The following CDH8 variants were observed in gnomAD, a reference collection of about 807,000 sequenced individuals.
The protein encoded by CDH8 is cadherin-8.
A neutral mutation model predicts 68.1 loss-of-function variants in CDH8; 17 were observed. The observed-to-expected ratio is 0.25, with a 90% CI of 0.17 to 0.37. The LOEUF is 0.37. Among genes scored for constraint, CDH8 ranks in the 10% least tolerant of loss-of-function variants. CDH8 has a pLI of 1.00. For synonymous variants in CDH8, 372 were observed against 365.1 expected (o/e 1.02, Z -0.21); for missense variants, 763 against 999.3 (o/e 0.76, Z 3.19).
chr16:61,794,028 A>C (rs1961443227), intron 7 of CDH8, among the ~76,000 whole-genome samples: 1 of 152,050 alleles, frequency 6.6e-6, no homozygotes, highest in Non-Finnish European at 1.5e-5. Flanking sequence ...TAGACACCTA[A>C]ATATTAAAAT....
intron 10 of CDH8, among the ~76,000 whole-genome samples, chr16:61,671,575 C>G (rs1245413458): frequency 6.6e-6 from 1 of 151,858 alleles, no homozygotes; most frequent in Admixed American, 6.6e-5. Flanking sequence ...TTAAAACAGC[C>G]TGTCTAAACA....
Position 61,994,693 on chromosome 16 carries a change from G to T in CDH8, c.252+26459C>A, listed in dbSNP as rs541862679. On this transcript the variant is annotated intron_variant, in intron 2 of 11. Coordinates refer to ENST00000577390, the MANE Select transcript of CDH8 (RefSeq NM_001796.5). ...GGGACCTGTCAGAAACACAAATTCT[G>T]TCCCACCACAGAGGTACTGAATCAG... Among the ~76,000 whole-genome samples the T allele has an allele frequency of 7.3e-4, 111 of 152,244 alleles. 1 individual carries two copies. The highest frequency in any genetic ancestry group is 1.3e-3 in the Non-Finnish European group (88 of 68,032).
intron 9 of CDH8, among the ~76,000 whole-genome samples, chr16:61,718,909 T>C (rs974999911): frequency 2.0e-5 from 3 of 151,180 alleles, no homozygotes; most frequent in Admixed American, 1.3e-4. Context: ...ATAACAATTA[T>C]GATTAATTGA....
intron 8 of CDH8, among the ~76,000 whole-genome samples, chr16:61,756,040 C>G (rs1292955990): frequency 6.6e-6 from 1 of 152,064 alleles, no homozygotes; most frequent in Non-Finnish European, 1.5e-5. Context: ...AGGCTCGTCT[C>G]AAACTCCCGG....
chr16:61,858,620 C>T (rs1318073441), intron 3 of CDH8, among the ~76,000 whole-genome samples: 1 of 152,170 alleles, frequency 6.6e-6, no homozygotes, highest in Non-Finnish European at 1.5e-5. Flanking sequence ...GAGATAAAGA[C>T]TTCTTGCTAA....
chr16:61,987,428 A>G (rs1965647525), intron 2 of CDH8, among the ~76,000 whole-genome samples: 1 of 152,144 alleles, frequency 6.6e-6, no homozygotes, highest in South Asian at 2.1e-4. Flanking sequence ...AATCACTTGA[A>G]CCTGCGAGGC....
chr16:61,857,015 G>A (rs1567502496), intron 4 of CDH8, 104 bp downstream of exon 4: 2 of 1,277,354 alleles, frequency 1.6e-6, no homozygotes, highest in Non-Finnish European at 2.3e-6. Context: ...ATTGATGCAG[G>A]CAGTGAAGTA....
chr16:61,668,861 A>G (rs1567412356), intron 10 of CDH8, among the ~76,000 whole-genome samples: 1 of 152,052 alleles, frequency 6.6e-6, no homozygotes, highest in Non-Finnish European at 1.5e-5. Context: ...AGACAGATTA[A>G]TTCATTTTGT....
chr16:61,876,906 C>G (rs1963473258), intron 3 of CDH8, among the ~76,000 whole-genome samples: 1 of 152,138 alleles, frequency 6.6e-6, no homozygotes, highest in African/African-American at 2.4e-5. Context: ...AGACTTAAAG[C>G]AAGTCACTAA....
chr16:61,912,463 A>C (rs1395149924), intron 2 of CDH8, among the ~76,000 whole-genome samples: 2 of 152,112 alleles, frequency 1.3e-5, no homozygotes, highest in African/African-American at 4.8e-5. Context: ...TGTCATGATT[A>C]CTCAATGAAT....
intron 10 of CDH8, among the ~76,000 whole-genome samples, chr16:61,664,696 G>A (rs1486665950): frequency 6.7e-6 from 1 of 150,308 alleles, no homozygotes; most frequent in Non-Finnish European, 1.5e-5. Context: ...CAGATAGAAA[G>A]AGGCTTTAGA....
intron 10 of CDH8, chr16:61,711,566 C>A (rs1189538557): frequency 6.6e-6 from 1 of 151,636 alleles, no homozygotes; most frequent in East Asian, 1.9e-4. Context: ...CATATTAAGA[C>A]AAGCCCATTT....
chr16:61,848,915 T>G (rs1962878323), intron 4 of CDH8, among the ~76,000 whole-genome samples: 1 of 152,074 alleles, frequency 6.6e-6, no homozygotes, highest in Non-Finnish European at 1.5e-5. Context: ...TATGTAGAGT[T>G]TGACACCTGT....
chr16:61,767,472 GT>G (rs1960624408), intron 8 of CDH8, among the ~76,000 whole-genome samples: 1 of 151,864 alleles, frequency 6.6e-6, no homozygotes, highest in Admixed American at 6.6e-5. Context: ...TTATATAGTT[GT>G]TTTGAGGCTT....
intron 10 of CDH8, chr16:61,667,752 GA>G (rs1462512665): frequency 2.0e-5 from 3 of 151,946 alleles, no homozygotes; most frequent in Non-Finnish European, 4.4e-5. Context: ...AATGCAATAA[GA>G]AAATCTGATT....
chr16:62,035,565 G>T (rs1368385418), intron 1 of CDH8, among the ~76,000 whole-genome samples: 2 of 152,312 alleles, frequency 1.3e-5, no homozygotes, highest in East Asian at 3.9e-4. Flanking sequence ...TGCCGCGGGG[G>T]TCGCCCTCCC....
intron 3 of CDH8, among the ~76,000 whole-genome samples, chr16:61,874,643 C>T (rs1963429444): frequency 6.6e-6 from 1 of 152,120 alleles, no homozygotes; most frequent in African/African-American, 2.4e-5. Flanking sequence ...TCCTAAGGTA[C>T]AAGCATCTGT....
At chr16:61,980,739 GAA>G (rs1965516871) in intron 2 of CDH8, among the ~76,000 whole-genome samples, 1 of 152,174 alleles carries the variant, frequency 6.6e-6, no homozygotes, top group Admixed American at 6.5e-5. Context: ...AAACTTTCCA[GAA>G]AAGTTTGCCA....
intron 9 of CDH8, among the ~76,000 whole-genome samples, chr16:61,720,023 A>C (rs1050140584): frequency 6.8e-6 from 1 of 147,348 alleles, no homozygotes. Flanking sequence ...ACACACACAC[A>C]CCAAACCACA....
Sources: allele counts gnomAD v4.1 joint callset (sites outside exome capture counted in the v4.1 genomes callset), GRCh38; gene constraint gnomAD v4.1.1; transcripts MANE v1.5; gene names NCBI Gene and HGNC (gene_info 2026-07-23, HGNC 2026-07-21).